KIAA1217: variants seen among roughly 807,000 people sequenced by gnomAD.
KIAA1217 encodes sickle tail protein homolog.
A neutral mutation model predicts 163.9 loss-of-function variants in KIAA1217; 88 were observed. The observed-to-expected ratio is 0.54, with a 90% CI of 0.45 to 0.64. The LOEUF (loss-of-function observed/expected upper bound fraction) is 0.64. Among genes scored for constraint, KIAA1217 ranks in the 30% least tolerant of loss-of-function variants. KIAA1217 has a pLI of 0.00. For missense variants in KIAA1217, 2,372 were observed against 2,475.0 expected (o/e 0.96, Z 0.88); for synonymous variants, 903 against 923.1 (o/e 0.98, Z 0.39).
chr10:24,045,478 G>A (rs1004243094), intron 2 of KIAA1217, among the ~76,000 whole-genome samples: 2 of 151,880 alleles, frequency 1.3e-5, no homozygotes, highest in Non-Finnish European at 2.9e-5. Context: ...CCTAGGAGTT[G>A]GCTCTTGAAT....
At chr10:24,055,380 C>T (rs1849821710) in intron 2 of KIAA1217, among the ~76,000 whole-genome samples, 1 of 151,976 alleles carries the variant, frequency 6.6e-6, no homozygotes, top group Non-Finnish European at 1.5e-5. Context: ...ACTAAATTAC[C>T]ATCAGAATTA....
intron 2 of KIAA1217, among the ~76,000 whole-genome samples, chr10:24,110,007 A>G (rs532375477): frequency 1.6e-4 from 24 of 152,334 alleles, no homozygotes; most frequent in African/African-American, 4.1e-4. Flanking sequence ...TTGGGACTAC[A>G]GGCACGCCAC....
chr10:24,498,131 C>T (rs974826414), intron 8 of KIAA1217, among the ~76,000 whole-genome samples: 6 of 151,956 alleles, frequency 3.9e-5, no homozygotes, highest in African/African-American at 9.7e-5. Flanking sequence ...GTGCTGCTGA[C>T]GAGGGTGCGG....
intron 2 of KIAA1217, among the ~76,000 whole-genome samples, chr10:24,263,334 G>A (rs555819206): frequency 5.3e-5 from 8 of 152,302 alleles, no homozygotes; most frequent in East Asian, 1.9e-4. Context: ...ATTCTGGGTC[G>A]TTTCATGGGG....
chr10:24,482,722 TA>T (rs1385370059), intron 6 of KIAA1217: 1 of 152,234 alleles, frequency 6.6e-6, no homozygotes, highest in African/African-American at 2.4e-5. Flanking sequence ...TCACAGATCT[TA>T]AAAAGTCTGT....
chr10:23,869,979 T>C (rs1470703811), intron 1 of KIAA1217, among the ~76,000 whole-genome samples: 1 of 152,186 alleles, frequency 6.6e-6, no homozygotes, highest in African/African-American at 2.4e-5. Flanking sequence ...ACAAATTATG[T>C]TGAAGCAACG....
chr10:24,247,519 G>A (rs956906747), intron 2 of KIAA1217, among the ~76,000 whole-genome samples: 2 of 152,208 alleles, frequency 1.3e-5, no homozygotes, highest in African/African-American at 4.8e-5. Context: ...TTTCCAGGCT[G>A]GGCGTGGTGG....
chr10:24,031,066 A>C (rs1441557763), intron 2 of KIAA1217, among the ~76,000 whole-genome samples: 1 of 152,126 alleles, frequency 6.6e-6, no homozygotes, highest in Non-Finnish European at 1.5e-5. Flanking sequence ...GCTGCATTTT[A>C]TGGTAATTCT....
chr10:24,039,714 A>C (rs543671700), intron 2 of KIAA1217, among the ~76,000 whole-genome samples: 3 of 152,186 alleles, frequency 2.0e-5, no homozygotes, highest in African/African-American at 7.2e-5. Flanking sequence ...TTGTATATAC[A>C]TATGTATGCA....
intron 3 of KIAA1217, among the ~76,000 whole-genome samples, chr10:24,389,130 A>G (rs2054468504): frequency 6.6e-6 from 1 of 152,214 alleles, no homozygotes; most frequent in African/African-American, 2.4e-5. Flanking sequence ...TATTCACAAT[A>G]GCAAAGACTT....
At chr10:23,822,950 T>C (rs74123139) in intron 1 of KIAA1217, among the ~76,000 whole-genome samples, 7 of 152,358 alleles carry the variant, frequency 4.6e-5, no homozygotes, top group African/African-American at 1.7e-4. Flanking sequence ...AGGGAAGCAC[T>C]TTTTTATTAG....
At chr10:24,239,724 TA>T (rs1486468835) in intron 2 of KIAA1217, among the ~76,000 whole-genome samples, 5 of 137,570 alleles carry the variant, frequency 3.6e-5, no homozygotes, top group African/African-American at 1.8e-4. Context: ...TGTGTTCTTT[TA>T]CTCTTACGAC....
chr10:23,761,684 G>A (rs999714128), intron 1 of KIAA1217, among the ~76,000 whole-genome samples: 3 of 152,058 alleles, frequency 2.0e-5, no homozygotes, highest in Non-Finnish European at 1.5e-5. Flanking sequence ...CTATATGGTC[G>A]ATTTTAGAAT....
chr10:23,899,379 C>T (rs1262294761), intron 1 of KIAA1217, among the ~76,000 whole-genome samples: 3 of 152,006 alleles, frequency 2.0e-5, no homozygotes, highest in East Asian at 3.9e-4. Flanking sequence ...GAAATAGTAT[C>T]TCATTGTGGT....
At chr10:23,768,302 A>C (rs1035467632) in intron 1 of KIAA1217, among the ~76,000 whole-genome samples, 6 of 152,194 alleles carry the variant, frequency 3.9e-5, no homozygotes, top group African/African-American at 1.4e-4. Context: ...GGACACAGTG[A>C]CTTTGGAAAC....
At chr10:24,017,140 A>ACTCAGGGG (rs1847520168) in intron 2 of KIAA1217, among the ~76,000 whole-genome samples, 1 of 151,314 alleles carries the variant, frequency 6.6e-6, no homozygotes, top group Non-Finnish European at 1.5e-5. Context: ...ACAGCCTTGA[A>ACTCAGGGG]CTCAGGGGCT....
At chr10:24,174,079 C>T (rs2065756884) in intron 2 of KIAA1217, among the ~76,000 whole-genome samples, 1 of 152,220 alleles carries the variant, frequency 6.6e-6, no homozygotes, top group Non-Finnish European at 1.5e-5. Context: ...TCTACTGCCT[C>T]CTGACTTCCG....
intron 6 of KIAA1217, among the ~76,000 whole-genome samples, chr10:24,493,858 C>T (rs892917937): frequency 1.3e-5 from 2 of 152,278 alleles, no homozygotes; most frequent in African/African-American, 4.8e-5. Flanking sequence ...CAGGGTTTCA[C>T]CATGTTGGCC....
intron 1 of KIAA1217, among the ~76,000 whole-genome samples, chr10:23,848,311 G>T (rs1839138987): frequency 6.6e-6 from 1 of 151,908 alleles, no homozygotes; most frequent in Admixed American, 6.6e-5. Flanking sequence ...TGACAGTGGG[G>T]GGTGTTAAAG....
Sources: allele counts gnomAD v4.1 joint callset (sites outside exome capture counted in the v4.1 genomes callset), GRCh38; gene constraint gnomAD v4.1.1; transcripts MANE v1.5; gene names NCBI Gene and HGNC (gene_info 2026-07-23, HGNC 2026-07-21).